UNC79: variants seen among roughly 807,000 people sequenced by gnomAD.
UNC79 encodes the protein protein unc-79 homolog.
In UNC79, 37 loss-of-function variants were observed where a neutral mutation model predicts 283.1. The observed-to-expected ratio is 0.13, with a 90% CI of 0.10 to 0.17. The LOEUF (loss-of-function observed/expected upper bound fraction) is 0.17, where lower values mean the gene tolerates loss of function less well. Among genes scored for constraint, UNC79 ranks in the 10% least tolerant of loss-of-function variants. The probability of loss-of-function intolerance (pLI) is 1.00; values close to 1 mark genes in which losing one functional copy is unlikely to be tolerated. For synonymous variants in UNC79, 1,107 were observed against 1,200.2 expected, an observed-to-expected ratio of 0.92 and a Z score of 1.61; for missense variants, 2,272 against 3,211.1, an observed-to-expected ratio of 0.71 and a Z score of 7.07.
intron 41 of UNC79, among the ~76,000 whole-genome samples, chr14:93,677,805 A>G (rs930156380): frequency 5.9e-5 from 9 of 152,092 alleles, no homozygotes; most frequent in Admixed American, 2.0e-4. Flanking sequence ...ACGCACCACC[A>G]CACCCAGCTA....
At chr14:93,661,477 T>C (rs1014523146) in intron 39 of UNC79, among the ~76,000 whole-genome samples, 2 of 152,196 alleles carry the variant, frequency 1.3e-5, no homozygotes, top group Non-Finnish European at 2.9e-5. Flanking sequence ...GATTGAGAAG[T>C]ATTGGAACTC....
At chr14:93,523,333 G>A (rs17129088) in intron 7 of UNC79, among the ~76,000 whole-genome samples, 9,933 of 152,192 alleles carry the variant, frequency 0.065, 605 homozygotes, top group East Asian at 0.33. Flanking sequence ...GGTTTAGTAG[G>A]TGGGTCACGT....
exon 4 of UNC79, chr14:93,477,661 C>T (rs772715645): frequency 7.4e-6 from 12 of 1,613,328 alleles, no homozygotes; most frequent in Non-Finnish European, 9.3e-6. Context: ...CGTTGGCTAC[C>T]TTTCCTCCAT....
intron 1 of UNC79, among the ~76,000 whole-genome samples, chr14:93,368,931 T>A (rs1249869103): frequency 6.6e-6 from 1 of 152,232 alleles, no homozygotes; most frequent in Non-Finnish European, 1.5e-5. Flanking sequence ...CAAAAGTTCT[T>A]AAAGGCATTC....
intron 14 of UNC79, among the ~76,000 whole-genome samples, chr14:93,550,528 A>AAAAAG (rs577406818): frequency 2.9e-4 from 2 of 6,898 alleles, no homozygotes; most frequent in Non-Finnish European, 6.7e-4. Flanking sequence ...AAAAAAAAAA[A>AAAAAG]AAAAAAAAAA....
intron 1 of UNC79, among the ~76,000 whole-genome samples, chr14:93,368,554 C>A (rs1204294427): frequency 6.6e-6 from 1 of 152,032 alleles, no homozygotes; most frequent in Non-Finnish European, 1.5e-5. Flanking sequence ...CGCACTGCAA[C>A]CTGTCTCCTG....
intron 31 of UNC79, among the ~76,000 whole-genome samples, chr14:93,633,482 C>T (rs1487690067): frequency 6.6e-6 from 1 of 152,190 alleles, no homozygotes; most frequent in Non-Finnish European, 1.5e-5. Context: ...AGGGGCCATG[C>T]GGTCATCCCG....
chr14:93,469,641 A>G (rs2140286074), intron 2 of UNC79, among the ~76,000 whole-genome samples: 1 of 152,242 alleles, frequency 6.6e-6, no homozygotes, highest in Admixed American at 6.5e-5. Flanking sequence ...AGCAACCAGA[A>G]GTCTCAAACT....
At chr14:93,562,851 G>T (rs1475085354) in intron 14 of UNC79, among the ~76,000 whole-genome samples, 3 of 152,178 alleles carry the variant, frequency 2.0e-5, no homozygotes, top group Admixed American at 1.3e-4. Context: ...CTGACTCGGG[G>T]CATGTGAGTA....
At chr14:93,439,655 A>G (rs577063753) in intron 1 of UNC79, among the ~76,000 whole-genome samples, 1 of 152,250 alleles carries the variant, frequency 6.6e-6, no homozygotes, top group East Asian at 1.9e-4. Context: ...AAACTTTGGA[A>G]TAATATAATA....
chr14:93,404,509 T>TATATATATATATATATATATATATAA (rs1566915254), intron 1 of UNC79, among the ~76,000 whole-genome samples: 4 of 113,980 alleles, frequency 3.5e-5, no homozygotes, highest in South Asian at 2.6e-4. Context: ...TATATATATA[T>TATATATATATATATATATATATATAA]ATATAAATAT....
chr14:93,353,980 T>C (rs929096433), intron 1 of UNC79, among the ~76,000 whole-genome samples: 4 of 152,168 alleles, frequency 2.6e-5, no homozygotes, highest in African/African-American at 7.2e-5. Flanking sequence ...AAAATAGCCA[T>C]GGGACCTAAC....
chr14:93,442,405 G>GT (rs2056333076), intron 1 of UNC79, among the ~76,000 whole-genome samples: 1 of 151,652 alleles, frequency 6.6e-6, no homozygotes, highest in Non-Finnish European at 1.5e-5. Flanking sequence ...TTCTTTTAGA[G>GT]TTTTTTTAGA....
intron 7 of UNC79, among the ~76,000 whole-genome samples, chr14:93,507,122 T>C (rs2059584146): frequency 6.6e-6 from 1 of 152,226 alleles, no homozygotes; most frequent in African/African-American, 2.4e-5. Context: ...TGCATGGATA[T>C]GTCATTTGTT....
chr14:93,611,850 A>G (rs1311546488), intron 26 of UNC79, among the ~76,000 whole-genome samples: 1 of 152,220 alleles, frequency 6.6e-6, no homozygotes, highest in Non-Finnish European at 1.5e-5. Context: ...TTATTAAAAA[A>G]AAAAAGGACA....
chr14:93,698,686 G>A (rs774012441), intron 47 of UNC79, among the ~76,000 whole-genome samples: 16 of 151,600 alleles, frequency 1.1e-4, no homozygotes, highest in Admixed American at 2.0e-4. Context: ...GGGTTTCACC[G>A]TGTTGGCCAG....
Position 93,464,627 on chromosome 14 carries a change from G to A in UNC79, c.23-3044G>A, listed in dbSNP as rs1303513352. 18 of 456,016 alleles carry A rather than the reference G, an allele frequency of 3.9e-5. No individual in the cohort carries two copies. In the Admixed American group the frequency reaches 4.2e-4, roughly 11 times the overall value. The allele number at this position is 456,016 out of a possible 1,614,324, so 28.2% of individuals were successfully genotyped here. On this transcript the variant is annotated intron_variant, in intron 1 of 48. Transcript: ENST00000555664. ...AAGTATAAGGAAAGGGGTGGCCCCG[G>A]GGGGAGTTTTGAAGATAGTATAACT...
intron 1 of UNC79, among the ~76,000 whole-genome samples, chr14:93,414,641 T>G (rs2055412805): frequency 6.6e-6 from 1 of 152,226 alleles, no homozygotes; most frequent in Non-Finnish European, 1.5e-5. Flanking sequence ...TTCACAATAT[T>G]GATTCTTCCT....
intron 39 of UNC79, among the ~76,000 whole-genome samples, chr14:93,660,549 ATATATATATATATATG>A (rs1471593556): frequency 1.7e-5 from 2 of 118,774 alleles, no homozygotes; most frequent in African/African-American, 7.9e-5. Flanking sequence ...ATATATATAT[ATATATATATATATATG>A]TGTGTGTGTG....
Sources: gnomAD v4.1 joint callset for allele counts (sites outside exome capture counted in the v4.1 genomes callset) on GRCh38, gnomAD v4.1.1 for gene constraint, MANE v1.5 for transcripts, NCBI Gene and HGNC (gene_info 2026-07-23, HGNC 2026-07-21) for gene names.